STK39: variants seen among roughly 807,000 people sequenced by gnomAD.
STK39 encodes the protein serine/threonine kinase 39, also known as STE20/SPS1-related proline-alanine-rich protein kinase.
A neutral mutation model predicts 77.8 loss-of-function variants in STK39; 20 were observed. That is an observed-to-expected ratio of 0.26 (90% CI 0.18 to 0.37). The LOEUF is 0.37. Among genes scored for constraint, STK39 ranks in the 10% least tolerant of loss-of-function variants. STK39 has a pLI of 1.00. For missense variants in STK39, 479 were observed against 656.5 expected (o/e 0.73, Z 2.95); for synonymous variants, 246 against 234.1 (o/e 1.05, Z -0.47).
At chr2:168,234,134 A>G (rs1187395736) in intron 1 of STK39, among the ~76,000 whole-genome samples, 2 of 152,200 alleles carry the variant, frequency 1.3e-5, no homozygotes, top group African/African-American at 4.8e-5. Context: ...ATACCTTTGC[A>G]TGTTATTAAA....
At chr2:168,017,178 G>C in intron 14 of STK39, 83 bp from the exon 15 acceptor site, 1 of 890,186 alleles carries the variant, frequency 1.1e-6, no homozygotes, top group Non-Finnish European at 1.7e-6. Context: ...TTCACAAGAT[G>C]CTACTAACAT....
intron 1 of STK39, among the ~76,000 whole-genome samples, chr2:168,202,209 GGA>G (rs1478186538): frequency 1.3e-5 from 2 of 152,166 alleles, no homozygotes; most frequent in African/African-American, 2.4e-5. Context: ...TGCAACCTGA[GGA>G]CATACAAGTA....
At chr2:168,190,812 T>A (rs1689321018) in intron 1 of STK39, among the ~76,000 whole-genome samples, 2 of 152,122 alleles carry the variant, frequency 1.3e-5, no homozygotes, top group Non-Finnish European at 2.9e-5. Context: ...AAACTCAAAG[T>A]CCAACGATCT....
intron 8 of STK39, among the ~76,000 whole-genome samples, chr2:168,133,940 G>GT (rs1214504705): frequency 2.0e-5 from 3 of 151,998 alleles, no homozygotes; most frequent in African/African-American, 2.4e-5. Flanking sequence ...TGATTTTAGG[G>GT]TTTTTTTGGT....
intron 2 of STK39, among the ~76,000 whole-genome samples, chr2:168,170,339 A>G (rs1306892369): frequency 1.3e-5 from 2 of 152,256 alleles, no homozygotes; most frequent in Non-Finnish European, 2.9e-5. Flanking sequence ...CCTAAAAATG[A>G]CAAAACTATT....
intron 12 of STK39, among the ~76,000 whole-genome samples, chr2:168,066,518 G>T (rs1385140231): frequency 6.6e-6 from 1 of 152,218 alleles, no homozygotes; most frequent in African/African-American, 2.4e-5. Context: ...GAATCTTTCA[G>T]GGTGATTCCA....
At chr2:168,118,463 A>C (rs531639097) in intron 10 of STK39, among the ~76,000 whole-genome samples, 8 of 152,228 alleles carry the variant, frequency 5.3e-5, no homozygotes, top group Admixed American at 1.3e-4. Context: ...TACACAGCTC[A>C]CTGTCTTTCA....
chr2:168,176,562 A>T (rs1184062844), intron 2 of STK39, among the ~76,000 whole-genome samples: 1 of 152,322 alleles, frequency 6.6e-6, no homozygotes, highest in South Asian at 2.1e-4. Flanking sequence ...ATCAAGAGAA[A>T]GGAAAAACAA....
intron 8 of STK39, among the ~76,000 whole-genome samples, chr2:168,136,330 C>T (rs1404221238): frequency 6.8e-6 from 1 of 147,794 alleles, no homozygotes; most frequent in African/African-American, 2.5e-5. Context: ...GATCGCGCCA[C>T]TGCACTCTAG....
intron 8 of STK39, among the ~76,000 whole-genome samples, chr2:168,133,064 G>C (rs890479555): frequency 1.3e-5 from 2 of 152,108 alleles, no homozygotes; most frequent in Non-Finnish European, 2.9e-5. Context: ...AAGTGCCAAC[G>C]TAAGGAGGCA....
At chr2:167,992,492 T>C (rs1682071515) in intron 16 of STK39, among the ~76,000 whole-genome samples, 1 of 152,178 alleles carries the variant, frequency 6.6e-6, no homozygotes, top group Non-Finnish European at 1.5e-5. Flanking sequence ...TTCAGAGGCT[T>C]TGTGGTAAAA....
chr2:168,124,095 C>T (rs1471630819), intron 10 of STK39, among the ~76,000 whole-genome samples: 2 of 152,094 alleles, frequency 1.3e-5, no homozygotes, highest in African/African-American at 4.8e-5. Flanking sequence ...CACTTCACAG[C>T]GGTTCCATCC....
intron 5 of STK39, among the ~76,000 whole-genome samples, chr2:168,160,776 T>C (rs774910705): frequency 4.6e-5 from 7 of 152,068 alleles, no homozygotes; most frequent in Non-Finnish European, 1.0e-4. Flanking sequence ...CCCACAGATG[T>C]CTCTTAGCTG....
intron 16 of STK39, among the ~76,000 whole-genome samples, chr2:168,003,480 T>A (rs1029596593): frequency 1.3e-5 from 2 of 152,126 alleles, no homozygotes; most frequent in African/African-American, 4.8e-5. Flanking sequence ...AGTAAAGATT[T>A]TTTTTAAAGA....
chr2:168,232,738 C>A (rs1175803189), intron 1 of STK39, among the ~76,000 whole-genome samples: 1 of 152,060 alleles, frequency 6.6e-6, no homozygotes, highest in African/African-American at 2.4e-5. Flanking sequence ...TGGTGAAATC[C>A]CGTCTCTACT....
chr2:168,129,820 A>T (rs1687633801), intron 8 of STK39, 62 bp from the exon 9 acceptor site: 2 of 1,567,678 alleles, frequency 1.3e-6, no homozygotes, highest in Non-Finnish European at 1.8e-6. Flanking sequence ...CACTGCCTTG[A>T]TGAAACAACT....
At chr2:168,140,779 A>G in intron 5 of STK39, 21 bp from the exon 6 acceptor site, 1 of 1,547,438 alleles carries the variant, frequency 6.5e-7, no homozygotes, top group Non-Finnish European at 8.8e-7. Context: ...AAAAAAAATC[A>G]CCTTTATTTT....
chr2:168,118,616 A>AAAC (rs1553527693), intron 10 of STK39, among the ~76,000 whole-genome samples: 1 of 151,466 alleles, frequency 6.6e-6, no homozygotes, highest in Non-Finnish European at 1.5e-5. Flanking sequence ...AAAAAAAAAA[A>AAAC]AAAAAAACAA....
At chr2:168,236,034 A>T (rs886333464) in intron 1 of STK39, among the ~76,000 whole-genome samples, 1 of 151,850 alleles carries the variant, frequency 6.6e-6, no homozygotes, top group African/African-American at 2.4e-5. Flanking sequence ...CGCCACACTG[A>T]CTTCCACAAT....
Sources: allele counts gnomAD v4.1 joint callset (sites outside exome capture counted in the v4.1 genomes callset), GRCh38; gene constraint gnomAD v4.1.1; transcripts MANE v1.5; gene names NCBI Gene and HGNC (gene_info 2026-07-23, HGNC 2026-07-21).